Variants in CSMD1 observed in about 807,000 individuals in gnomAD.
CSMD1 encodes the protein CUB and Sushi multiple domains 1.
A neutral mutation model predicts 417.5 loss-of-function variants in CSMD1; 213 were observed. The observed-to-expected ratio is 0.51, with a 90% CI of 0.46 to 0.57. The LOEUF (loss-of-function observed/expected upper bound fraction) is 0.57. CSMD1 is among the 20% of genes least tolerant of loss of function. CSMD1 has a pLI of 0.00. For synonymous variants in CSMD1, 2,862 were observed against 1,736.8 expected (o/e 1.65, Z -16.11); for missense variants, 6,923 against 4,529.7 (o/e 1.53, Z -15.17).
intron 26 of CSMD1, 148 bp downstream of exon 26, chr8:3,283,996 T>G: frequency 2.7e-6 from 2 of 737,742 alleles, no homozygotes; most frequent in Admixed American, 4.7e-5. Context: ...AGAACTCTTC[T>G]CTGCAACATG....
intron 3 of CSMD1, among the ~76,000 whole-genome samples, chr8:4,070,487 A>G (rs1013812298): frequency 2.6e-5 from 4 of 152,070 alleles, no homozygotes; most frequent in African/African-American, 9.7e-5. Flanking sequence ...CCTCCCGAGT[A>G]GCTGGGACTA....
chr8:4,800,509 G>A (rs745913630), intron 1 of CSMD1, among the ~76,000 whole-genome samples: 14 of 151,960 alleles, frequency 9.2e-5, no homozygotes, highest in Non-Finnish European at 1.9e-4. Context: ...GGAAATCAAT[G>A]CTGACACAAG....
chr8:4,296,830 T>G (rs1307091203), intron 3 of CSMD1, among the ~76,000 whole-genome samples: 2 of 151,252 alleles, frequency 1.3e-5, no homozygotes, highest in Non-Finnish European at 2.9e-5. Context: ...TCTGAAGATA[T>G]CTGTGGAGGG....
chr8:4,114,379 T>C (rs1802021563), intron 3 of CSMD1, among the ~76,000 whole-genome samples: 1 of 152,194 alleles, frequency 6.6e-6, no homozygotes, highest in Non-Finnish European at 1.5e-5. Flanking sequence ...TGAGACCTAC[T>C]GCTAGGAAAA....
intron 5 of CSMD1, among the ~76,000 whole-genome samples, chr8:3,942,854 C>G (rs1349525702): frequency 2.6e-5 from 4 of 152,110 alleles, no homozygotes; most frequent in African/African-American, 7.2e-5. Flanking sequence ...TATCGTCCCA[C>G]AAATTGATGT....
chr8:4,310,437 G>C (rs1312982467), intron 3 of CSMD1, among the ~76,000 whole-genome samples: 1 of 152,154 alleles, frequency 6.6e-6, no homozygotes, highest in Non-Finnish European at 1.5e-5. Context: ...AAGATAAATT[G>C]TGCAGAAGTA....
intron 10 of CSMD1, among the ~76,000 whole-genome samples, chr8:3,502,364 CA>C (rs371588108): frequency 0.047 from 5,170 of 109,104 alleles, 180 homozygotes; most frequent in East Asian, 0.14. Context: ...GACTTCATCT[CA>C]AAAAAAAAAA....
intron 10 of CSMD1, among the ~76,000 whole-genome samples, chr8:3,495,689 A>C (rs576386989): frequency 2.1e-4 from 32 of 152,324 alleles, no homozygotes; most frequent in Non-Finnish European, 4.3e-4. Context: ...GTGTATTTTA[A>C]CCACATATAC....
intron 3 of CSMD1, among the ~76,000 whole-genome samples, chr8:4,076,675 A>G (rs554463080): frequency 3.9e-5 from 6 of 152,328 alleles, no homozygotes; most frequent in African/African-American, 1.4e-4. Context: ...ATCGTGCTCC[A>G]AACAAAACAT....
chr8:3,313,860 G>C (rs966571851), intron 23 of CSMD1, among the ~76,000 whole-genome samples: 1 of 152,150 alleles, frequency 6.6e-6, no homozygotes, highest in Non-Finnish European at 1.5e-5. Context: ...GCAAAGATTT[G>C]GAACCAACCC....
chr8:4,415,803 G>C (rs74341629), intron 3 of CSMD1, among the ~76,000 whole-genome samples: 2 of 152,132 alleles, frequency 1.3e-5, no homozygotes, highest in Admixed American at 6.5e-5. Context: ...GTGTTTACAT[G>C]TATGTGCATT....
In CSMD1 at chr8:3,404,326, C is replaced by A. The variant is rs566197310; in HGVS notation, c.2266+1701G>T. On this transcript the variant is annotated intron_variant, in intron 15 of 69. Transcript: ENST00000635120. ...CTCCAGCCTGGGTGACAGAGCCAGA[C>A]GCTATCTCAAAAAAAAAAAAAAAAA... Among the ~76,000 whole-genome samples, 7 of 79,262 alleles carry A rather than the reference C, an allele frequency of 8.8e-5. No homozygotes were observed. In the Admixed American group the frequency reaches 1.0e-3, roughly 12 times the overall value. The allele number at this position is 79,262 out of a possible 152,430, so 52.0% of individuals were successfully genotyped here.
chr8:4,699,858 G>C (rs752396934), intron 1 of CSMD1, among the ~76,000 whole-genome samples: 7 of 152,186 alleles, frequency 4.6e-5, no homozygotes, highest in Non-Finnish European at 8.8e-5. Flanking sequence ...ACAATACTGC[G>C]AGCAAGAACA....
intron 2 of CSMD1, among the ~76,000 whole-genome samples, chr8:4,556,825 T>C (rs1044537797): frequency 1.3e-5 from 2 of 152,140 alleles, no homozygotes; most frequent in Non-Finnish European, 2.9e-5. Flanking sequence ...AAACACTCAT[T>C]GGAGCACTTA....
chr8:4,153,507 A>G (rs551517547), intron 3 of CSMD1, among the ~76,000 whole-genome samples: 3 of 152,274 alleles, frequency 2.0e-5, no homozygotes, highest in African/African-American at 4.8e-5. Context: ...TCTGCTCACA[A>G]TTGTTGAATT....
At chr8:4,173,524 T>G (rs1282142098) in intron 3 of CSMD1, among the ~76,000 whole-genome samples, 2 of 151,970 alleles carry the variant, frequency 1.3e-5, no homozygotes, top group Non-Finnish European at 1.5e-5. Context: ...ATAAACACCA[T>G]CCTCTTGTGG....
Position 4,868,907 on chromosome 8 carries a change from C to T in CSMD1, c.85+125425G>A, listed in dbSNP as rs1585237819. On this transcript the variant is annotated intron_variant, in intron 1 of 69. Coordinates refer to ENST00000635120, the MANE Select transcript of CSMD1 (RefSeq NM_033225.6). Reference sequence around the variant, plus strand: ...GAAGTAATATTTGCACGTTTTCTAACAGGGCAATCACTCATATGTGTGTAG... The same window carrying T: ...GAAGTAATATTTGCACGTTTTCTAATAGGGCAATCACTCATATGTGTGTAG... Among the ~76,000 whole-genome samples the T allele has an allele frequency of 1.3e-5, 2 of 151,836 alleles. 1 individual carries two copies. The highest frequency in any genetic ancestry group is 3.9e-4 in the East Asian group (2 of 5,184).
intron 5 of CSMD1, among the ~76,000 whole-genome samples, chr8:3,840,606 G>C (rs1440877828): frequency 6.6e-6 from 1 of 151,934 alleles, no homozygotes; most frequent in Non-Finnish European, 1.5e-5. Flanking sequence ...ATGTATAGGT[G>C]TGAGTTTATG....
Position 3,162,175 on chromosome 8 carries a change from G to A in CSMD1, c.5828C>T (p.Pro1943Leu), listed in dbSNP as rs1287323155. 6.2e-7 allele frequency: 1 copy of A among 1,604,670 alleles called. No homozygotes were observed. Among genetic ancestry groups the A allele is most frequent in the South Asian group, 1.1e-5 (1 of 89,050 alleles). ...VNDVLSFQCE[P>L]GYTLQGRSHI... Reference sequence around the variant, plus strand: ...GAAGGATACCTGCAGGGTGTACCCGGGCTCGCACTGGAAGGAGAGCACGTC... The same window carrying A: ...GAAGGATACCTGCAGGGTGTACCCGAGCTCGCACTGGAAGGAGAGCACGTC... The change falls in exon 38 of 70, where the codon CCC becomes CTC. Residue 1943 changes from proline to leucine, a missense_variant. Transcript: ENST00000635120.
Sources: allele counts gnomAD v4.1 joint callset (sites outside exome capture counted in the v4.1 genomes callset), GRCh38; gene constraint gnomAD v4.1.1; transcripts MANE v1.5; gene names NCBI Gene and HGNC (gene_info 2026-07-23, HGNC 2026-07-21).